Variants in PRDM16 observed in about 807,000 individuals in gnomAD.
The protein encoded by PRDM16 is PR/SET domain 16.
PRDM16 carries 23 observed loss-of-function variants against 110.6 expected under a neutral mutation model. The observed-to-expected ratio is 0.21, with a 90% confidence interval of 0.15 to 0.29. The LOEUF is 0.29. PRDM16 is among the 10% of genes least tolerant of loss of function. The pLI is 1.00. For missense variants in PRDM16, 1,615 were observed against 1,794.3 expected (o/e 0.90, Z 1.81); for synonymous variants, 799 against 781.8 (o/e 1.02, Z -0.37).
At chr1:3,215,222 T>G (rs1313673820) in intron 2 of PRDM16, among the ~76,000 whole-genome samples, 1 of 152,210 alleles carries the variant, frequency 6.6e-6, no homozygotes, top group Non-Finnish European at 1.5e-5. Flanking sequence ...GAATCTGTCA[T>G]TCAATAAACA....
intron 1 of PRDM16, among the ~76,000 whole-genome samples, chr1:3,155,580 G>C (rs796348832): frequency 1.3e-5 from 2 of 152,372 alleles, no homozygotes; most frequent in African/African-American, 4.8e-5. Flanking sequence ...GCGTTGCCGC[G>C]TCTCACCCGG....
At position 3,324,579 on chromosome 1, in the gene PRDM16, C is replaced by T. The variant is rs564313198; in HGVS notation, c.439-60573C>T. Among the ~76,000 whole-genome samples, 5 of 152,234 alleles carry T rather than the reference C, an allele frequency of 3.3e-5. No individual in the cohort carries two copies. In the South Asian group the frequency reaches 8.3e-4, roughly 25 times the overall value. ...TCCCCTGTGACAACATCCGAACAGCCGAGCGACCTGGCACCCTCCCTGGAT... is the reference window on the plus strand; with the variant it reads ...TCCCCTGTGACAACATCCGAACAGCTGAGCGACCTGGCACCCTCCCTGGAT... On this transcript the variant is annotated intron_variant, in intron 3 of 16. Transcript: ENST00000270722.
chr1:3,284,980 G>A (rs1454715566), intron 3 of PRDM16, among the ~76,000 whole-genome samples: 1 of 152,200 alleles, frequency 6.6e-6, no homozygotes, highest in African/African-American at 2.4e-5. Flanking sequence ...CCGGGCTTTC[G>A]GAGGCGAATG....
chr1:3,154,167 C>T (rs923677496), intron 1 of PRDM16, among the ~76,000 whole-genome samples: 3 of 152,212 alleles, frequency 2.0e-5, no homozygotes, highest in African/African-American at 7.2e-5. Context: ...TCACCGGGAC[C>T]TGCCACGGTC....
chr1:3,169,921 C>T (rs1644006336), intron 1 of PRDM16, among the ~76,000 whole-genome samples: 1 of 152,234 alleles, frequency 6.6e-6, no homozygotes, highest in Non-Finnish European at 1.5e-5. Context: ...GCCTAATGAC[C>T]GCGGCCCGCG....
chr1:3,433,882 C>G lies in PRDM16; in HGVS notation c.*71C>G. ...CACGAAGGACGGAGGCGGGCGGGGC[C>G]CCGGAGAACCCTGTCCCTGCGTGTG... On this transcript the variant is annotated 3_prime_UTR_variant, in exon 17 of 17. Transcript: ENST00000270722. The G allele has an allele frequency of 1.3e-6, 2 of 1,531,528 alleles. No individual in the cohort carries two copies. Among genetic ancestry groups the G allele is most frequent in the Non-Finnish European group, 1.8e-6 (2 of 1,125,618 alleles). The allele number at this position is 1,531,528 out of a possible 1,614,324, so 94.9% of individuals were successfully genotyped here. A position where few individuals can be genotyped will look rare whatever the true frequency, so the allele number is the denominator to read the frequency against.
intron 1 of PRDM16, among the ~76,000 whole-genome samples, chr1:3,111,937 T>C (rs893197829): frequency 6.6e-6 from 1 of 151,948 alleles, no homozygotes; most frequent in African/African-American, 2.4e-5. Flanking sequence ...TAACTTCCAT[T>C]GAGAGGGAGG....
intron 3 of PRDM16, among the ~76,000 whole-genome samples, chr1:3,266,980 G>A (rs1640310235): frequency 6.6e-6 from 1 of 152,184 alleles, no homozygotes; most frequent in African/African-American, 2.4e-5. Context: ...GCCCGGCCAC[G>A]TGCATTTTAG....
chr1:3,251,999 C>T (rs1425074455), intron 3 of PRDM16, among the ~76,000 whole-genome samples: 4 of 152,206 alleles, frequency 2.6e-5, no homozygotes, highest in East Asian at 1.9e-4. Context: ...TGCCAAACCT[C>T]GTTACCACGA....
At chr1:3,282,903 G>T (rs918234267) in intron 3 of PRDM16, among the ~76,000 whole-genome samples, 20 of 152,340 alleles carry the variant, frequency 1.3e-4, no homozygotes, top group Admixed American at 8.5e-4. Flanking sequence ...CCCTGCAGGT[G>T]CAGTGAGAGG....
At position 3,215,431 on chromosome 1, in the gene PRDM16, G is replaced by A. The variant is rs796746643; in HGVS notation, c.388-28656G>A. Among the ~76,000 whole-genome samples, 1,198 of 80,614 alleles carry A rather than the reference G, an allele frequency of 0.015. 12 individuals carry two copies. The African/African-American group carries it at 0.15, about 10-fold the overall frequency. The allele number at this position is 80,614 out of a possible 152,430, so 52.9% of individuals were successfully genotyped here. On this transcript the variant is annotated intron_variant, in intron 2 of 16. Transcript: ENST00000270722. ...CCGGGGACAGGCAAGGCCTATTGGG[G>A]TCCAGGAGAACAGAGCCTCCAGGAG...
rs12096975 is a variant in PRDM16 at position 3,201,752 on chromosome 1, G to A, written c.387+15278G>A. ...TCTTCAGCTGGAGCCGAGTAGGGTCGTGTCTGCCCCGCTTCCACGCGAGCC... is the reference window on the plus strand; with the variant it reads ...TCTTCAGCTGGAGCCGAGTAGGGTCATGTCTGCCCCGCTTCCACGCGAGCC... On this transcript the variant is annotated intron_variant, in intron 2 of 16. Coordinates refer to ENST00000270722, the MANE Select transcript of PRDM16 (RefSeq NM_022114.4). The surrounding 1 kb of genome is among the most constrained non-coding windows in gnomAD (Gnocchi z 4.1). 0.087 allele frequency among the ~76,000 whole-genome samples: 13,268 copies of A among 152,244 alleles called. 1,291 individuals are homozygous for A. The highest frequency in any genetic ancestry group is 0.24 in the African/African-American group (10,033 of 41,528).
At chr1:3,325,904 T>TTGGCCCTCC (rs1641880177) in intron 3 of PRDM16, among the ~76,000 whole-genome samples, 1 of 143,202 alleles carries the variant, frequency 7.0e-6, no homozygotes, top group Admixed American at 6.9e-5. Context: ...CTTGGCCCTC[T>TTGGCCCTCC]TGGCCCTCCT....
At position 3,425,075 on chromosome 1, in the gene PRDM16, C is replaced by CTT. The variant is rs34261616; in HGVS notation, c.2940-487_2940-486dup. ...CAGTAGGAGGGTGAACGCCTGCTTG[C>CTT]TTTTTTTTTTTTTTTTTTTTGAGAT... On this transcript the variant is annotated intron_variant, in intron 12 of 16. Transcript: ENST00000270722. This position sits in a 1 kb window ranked among gnomAD's most constrained non-coding sequence, Gnocchi z 6.9. The CTT allele has an allele frequency of 9.7e-4, 119 of 123,052 alleles. 1 individual carries two copies. Among genetic ancestry groups the CTT allele is most frequent in the East Asian group, 2.5e-3 (10 of 3,980 alleles). The allele number at this position is 123,052 out of a possible 1,614,324, so 7.6% of individuals were successfully genotyped here. A position where few individuals can be genotyped will look rare whatever the true frequency, so the allele number is the denominator to read the frequency against.
chr1:3,258,773 C>T (rs538191053), intron 3 of PRDM16, among the ~76,000 whole-genome samples: 14 of 152,298 alleles, frequency 9.2e-5, no homozygotes, highest in African/African-American at 3.1e-4. Context: ...TCACGCACAC[C>T]GGGTTAGAGG....
At chr1:3,089,424 G>A (rs777654596) in intron 1 of PRDM16, among the ~76,000 whole-genome samples, 24 of 152,238 alleles carry the variant, frequency 1.6e-4, no homozygotes, top group African/African-American at 4.8e-4. Flanking sequence ...TTGGGAACTC[G>A]GAGCTGAGGG....
intron 1 of PRDM16, among the ~76,000 whole-genome samples, chr1:3,117,539 G>A (rs1025145720): frequency 2.0e-5 from 3 of 152,112 alleles, no homozygotes; most frequent in African/African-American, 7.2e-5. Flanking sequence ...CGCAGGCCTC[G>A]CCTATGCTGT....
chr1:3,304,807 G>A (rs7517281), intron 3 of PRDM16, among the ~76,000 whole-genome samples: 27,652 of 152,112 alleles, frequency 0.18, 2,632 homozygotes, highest in East Asian at 0.32. Flanking sequence ...TCAGGACACC[G>A]TGCCGCCCCT....
Position 3,100,005 on chromosome 1 carries a change from C to T in PRDM16, c.37+30709C>T, listed in dbSNP as rs546618302. The stretch of plus-strand genomic sequence containing the variant: ...GATGGAGGCCACTGGGCTCGGCACC[C>T]CTGGGTGAGGGAGCCGTAGAGGAGC... On this transcript the variant is annotated intron_variant, in intron 1 of 16. Coordinates refer to ENST00000270722, the MANE Select transcript of PRDM16 (RefSeq NM_022114.4). Among the ~76,000 whole-genome samples the T allele has an allele frequency of 2.0e-5, 3 of 152,260 alleles. No homozygotes were observed. In the East Asian group the frequency reaches 5.8e-4, roughly 29 times the overall value.
Sources: allele counts gnomAD v4.1 joint callset (sites outside exome capture counted in the v4.1 genomes callset), GRCh38; gene constraint gnomAD v4.1.1; non-coding constraint Gnocchi (gnomAD v3.1); transcripts MANE v1.5; gene names NCBI Gene and HGNC (gene_info 2026-07-23, HGNC 2026-07-21).